TNIK: variants seen among roughly 807,000 people sequenced by gnomAD.
TNIK encodes TRAF2 and NCK-interacting protein kinase.
A neutral mutation model predicts 191.3 loss-of-function variants in TNIK; 49 were observed. The ratio of observed to expected loss-of-function variants is 0.26; its 90% CI spans 0.20 to 0.32. TNIK has a LOEUF of 0.32. Among genes scored for constraint, TNIK ranks in the 10% least tolerant of loss-of-function variants. The pLI is 1.00. For missense variants in TNIK, 1,155 were observed against 1,702.3 expected (o/e 0.68, Z 5.66); for synonymous variants, 594 against 600.9 (o/e 0.99, Z 0.17).
chr3:171,370,306 A>T (rs1259077614), intron 1 of TNIK, among the ~76,000 whole-genome samples: 3 of 152,194 alleles, frequency 2.0e-5, no homozygotes, highest in African/African-American at 7.2e-5. Flanking sequence ...CTGCTGAGTA[A>T]CTGCAGGATT....
At chr3:171,130,010 C>G (rs574588270) in intron 15 of TNIK, among the ~76,000 whole-genome samples, 1 of 152,298 alleles carries the variant, frequency 6.6e-6, no homozygotes, top group South Asian at 2.1e-4. Context: ...ACACTGATGG[C>G]CTTTACAGTG....
At chr3:171,318,241 T>C (rs1754841012) in intron 2 of TNIK, among the ~76,000 whole-genome samples, 1 of 152,162 alleles carries the variant, frequency 6.6e-6, no homozygotes, top group African/African-American at 2.4e-5. Context: ...AATCAGACAG[T>C]TGCATAATTA....
chr3:171,084,558 C>T (rs1290103314), intron 25 of TNIK, among the ~76,000 whole-genome samples: 1 of 152,120 alleles, frequency 6.6e-6, no homozygotes, highest in East Asian at 1.9e-4. Context: ...ACACTACTTG[C>T]AGAGTCTAGA....
intron 1 of TNIK, among the ~76,000 whole-genome samples, chr3:171,431,305 T>C (rs1725360678): frequency 6.6e-6 from 1 of 152,168 alleles, no homozygotes; most frequent in South Asian, 2.1e-4. Context: ...GTAGCTGCTA[T>C]GATAGATCTT....
intron 7 of TNIK, among the ~76,000 whole-genome samples, chr3:171,181,107 G>A (rs889312745): frequency 6.6e-6 from 1 of 152,236 alleles, no homozygotes; most frequent in African/African-American, 2.4e-5. Flanking sequence ...TTCTCAAAGT[G>A]TTGGGATTAT....
intron 11 of TNIK, among the ~76,000 whole-genome samples, chr3:171,160,589 C>A (rs534825974): frequency 6.6e-6 from 1 of 152,006 alleles, no homozygotes; most frequent in South Asian, 2.1e-4. Flanking sequence ...ATTCGCTCAC[C>A]AAAGAGATAT....
chr3:171,165,415 C>CA (rs35708323), intron 10 of TNIK, among the ~76,000 whole-genome samples: 4,124 of 72,172 alleles, frequency 0.057, 136 homozygotes, highest in East Asian at 0.14. Flanking sequence ...GAACTCATCT[C>CA]AAAAAAAAAA....
intron 12 of TNIK, among the ~76,000 whole-genome samples, chr3:171,155,002 G>A (rs765027145): frequency 6.6e-6 from 1 of 152,208 alleles, no homozygotes; most frequent in African/African-American, 2.4e-5. Flanking sequence ...TAAAGGACAT[G>A]CAGGGCTTCC....
At chr3:171,121,812 T>A (rs1367196543) in intron 18 of TNIK, among the ~76,000 whole-genome samples, 1 of 152,154 alleles carries the variant, frequency 6.6e-6, no homozygotes, top group African/African-American at 2.4e-5. Context: ...GCTGGCCACA[T>A]GGAGATACAT....
intron 12 of TNIK, among the ~76,000 whole-genome samples, chr3:171,143,219 C>A (rs1196431364): frequency 1.3e-5 from 2 of 152,232 alleles, no homozygotes; most frequent in Non-Finnish European, 2.9e-5. Context: ...CTTCTGAGGG[C>A]ACCCTGCCAA....
At chr3:171,430,482 T>C (rs1725231256) in intron 1 of TNIK, among the ~76,000 whole-genome samples, 1 of 151,216 alleles carries the variant, frequency 6.6e-6, no homozygotes, top group Non-Finnish European at 1.5e-5. Flanking sequence ...TCTCAAAAAA[T>C]AAAACAATTA....
chr3:171,221,900 T>A (rs565147610), intron 3 of TNIK, among the ~76,000 whole-genome samples: 20 of 152,254 alleles, frequency 1.3e-4, no homozygotes, highest in South Asian at 4.1e-4. Flanking sequence ...CATCAAAATA[T>A]ACAACTACAG....
intron 3 of TNIK, among the ~76,000 whole-genome samples, chr3:171,211,567 T>A (rs1740825903): frequency 6.6e-6 from 1 of 152,184 alleles, no homozygotes; most frequent in African/African-American, 2.4e-5. Context: ...CTCTGGGAAC[T>A]ACATCCATCA....
At chr3:171,250,445 C>T (rs2109079603) in intron 2 of TNIK, among the ~76,000 whole-genome samples, 1 of 152,268 alleles carries the variant, frequency 6.6e-6, no homozygotes, top group South Asian at 2.1e-4. Context: ...CTAAATCATG[C>T]CCTTTAAAAA....
intron 24 of TNIK, 23 bp from the exon 25 acceptor site, chr3:171,085,252 A>G: frequency 6.3e-7 from 1 of 1,580,064 alleles, no homozygotes; most frequent in Non-Finnish European, 8.6e-7. Context: ...CAAGAAGATT[A>G]AGAAGAGCAG....
chr3:171,390,485 AGTT>A (rs1048956493), intron 1 of TNIK, among the ~76,000 whole-genome samples: 6 of 152,200 alleles, frequency 3.9e-5, no homozygotes, highest in African/African-American at 1.4e-4. Context: ...TGGACTGAGC[AGTT>A]GTTTACAAAT....
intron 1 of TNIK, among the ~76,000 whole-genome samples, chr3:171,414,566 T>A (rs1396888167): frequency 3.9e-5 from 6 of 152,344 alleles, no homozygotes; most frequent in African/African-American, 1.2e-4. Flanking sequence ...AGGGGGTTTA[T>A]CTCAGTGTGC....
Position 171,061,528 on chromosome 3 carries a change from C to A in TNIK, c.*2353G>T, listed in dbSNP as rs1160232524. 1 of 152,054 alleles carries A rather than the reference C, an allele frequency of 6.6e-6. No individual in the cohort carries two copies. Among genetic ancestry groups the A allele is most frequent in the Non-Finnish European group, 1.5e-5 (1 of 68,012 alleles). 9.4% of individuals were successfully genotyped at this position (152,054 alleles called of 1,614,324 possible). A position where few individuals can be genotyped will look rare whatever the true frequency, so the allele number is the denominator to read the frequency against. On this transcript the variant is annotated 3_prime_UTR_variant, in exon 33 of 33. Transcript: ENST00000436636. ...TAAACACAATGATTCCCTTTTATTT[C>A]TTAACTGTACCCAAAATCCCACAAT...
chr3:171,108,082 G>T lies in TNIK; in HGVS notation c.2365C>A (p.Arg789=). The part of the protein sequence containing the change: ...VKPEESRDIT[R]PSRPASYKKA... ...GCACTCACAGCTGGTCGACTGGGCCGGGTAATGTCCCTGGATTCTTCTGGT... is the reference window on the plus strand; with the variant it reads ...GCACTCACAGCTGGTCGACTGGGCCTGGTAATGTCCCTGGATTCTTCTGGT... Residue 789 remains arginine (R), a synonymous_variant, in exon 20 of 33, where the codon CGG becomes AGG. Coordinates refer to ENST00000436636, the MANE Select transcript of TNIK (RefSeq NM_015028.4). 1 of 1,569,200 alleles carries T rather than the reference G, an allele frequency of 6.4e-7. No homozygotes were observed. The highest frequency in any genetic ancestry group is 2.3e-5 in the East Asian group (1 of 42,626).
Sources: allele counts gnomAD v4.1 joint callset (sites outside exome capture counted in the v4.1 genomes callset), GRCh38; gene constraint gnomAD v4.1.1; transcripts MANE v1.5; gene names NCBI Gene and HGNC (gene_info 2026-07-23, HGNC 2026-07-21).